The following ANO3 variants were observed in gnomAD, a reference collection of about 807,000 sequenced individuals.
ANO3 encodes anoctamin-3.
Under a neutral mutation model 144.8 loss-of-function variants are expected in ANO3, and 99 were observed. The ratio of observed to expected loss-of-function variants is 0.68; its 90% CI spans 0.58 to 0.81. ANO3 has a LOEUF of 0.81. Ranked by LOEUF, ANO3 falls within the 30% of genes least tolerant of loss-of-function variation. The pLI, the probability that ANO3 is intolerant of heterozygous loss-of-function variation, is 0.00. For synonymous variants in ANO3, 414 were observed against 392.6 expected, an observed-to-expected ratio of 1.05 and a Z score of -0.64; for missense variants, 905 against 1,202.2, an observed-to-expected ratio of 0.75 and a Z score of 3.66.
At position 26,229,009 on chromosome 11, in the gene ANO3, C is replaced by T. The variant is rs115731865; in HGVS notation, c.154+39679C>T. On this transcript the variant is annotated intron_variant, in intron 1 of 27. Coordinates refer to the ANO3 transcript ENST00000672621. ...ATCCTGTGGCTAAAACTGCCATTTC[C>T]GTTCTAAGTAATCTGAGCCTACAAA... Among the ~76,000 whole-genome samples the T allele has an allele frequency of 7.7e-3, 1,173 of 152,258 alleles. 17 individuals are homozygous for T. The highest frequency in any genetic ancestry group is 0.027 in the African/African-American group (1,113 of 41,552).
chr11:26,283,987 G>A (rs1265366304), intron 1 of ANO3, among the ~76,000 whole-genome samples: 1 of 152,174 alleles, frequency 6.6e-6, no homozygotes, highest in Non-Finnish European at 1.5e-5. Context: ...CCTGAGACTT[G>A]CAGTATTTGA....
chr11:26,295,559 C>A (rs1243508554), intron 1 of ANO3, among the ~76,000 whole-genome samples: 1 of 148,600 alleles, frequency 6.7e-6, no homozygotes, highest in Non-Finnish European at 1.5e-5. Flanking sequence ...TAGCAGTAAA[C>A]CTAATTGAAA....
chr11:26,482,270 G>T (rs1355339559), intron 4 of ANO3, among the ~76,000 whole-genome samples: 1 of 151,828 alleles, frequency 6.6e-6, no homozygotes, highest in Non-Finnish European at 1.5e-5. Flanking sequence ...ACAATGTGCA[G>T]GTTTGTTACA....
At chr11:26,229,276 C>G (rs1255029916) in intron 1 of ANO3, among the ~76,000 whole-genome samples, 1 of 152,146 alleles carries the variant, frequency 6.6e-6, no homozygotes, top group Non-Finnish European at 1.5e-5. Context: ...ACACAATTCT[C>G]CAACATAATC....
Position 26,559,734 on chromosome 11 carries a change from G to A in ANO3, c.1402G>A (p.Asp468Asn), listed in dbSNP as rs1227082623. ...TTCTACTCAGGTGACATATTTGTTC[G>A]ATAATGGAGGGACAGTCTTCTTTGC... The part of the protein sequence containing the change: ...CIYAKVTYLF[D>N]NGGTVFFAIF... The change falls in exon 14 of 27, where the codon GAT (aspartate) becomes AAT (asparagine). Residue 468 changes from aspartate (D) to asparagine (N), a missense_variant. Physicochemically the swap from Asp to Asn is conservative, Grantham distance 23. Coordinates refer to ENST00000256737, the MANE Select transcript of ANO3 (RefSeq NM_031418.4). The A allele has an allele frequency of 1.2e-6, 2 of 1,611,584 alleles. No homozygotes were observed. The highest frequency in any genetic ancestry group is 1.7e-6 in the Non-Finnish European group (2 of 1,178,222).
chr11:26,260,047 CTTTTT>C (rs768969943), intron 1 of ANO3, among the ~76,000 whole-genome samples: 3 of 129,758 alleles, frequency 2.3e-5, no homozygotes, highest in Non-Finnish European at 5.0e-5. Flanking sequence ...TTTTAAAGTG[CTTTTT>C]TTTTTTTTTT....
intron 1 of ANO3, among the ~76,000 whole-genome samples, chr11:26,312,203 C>T (rs190641697): frequency 0.011 from 1,736 of 152,270 alleles, 16 homozygotes; most frequent in Non-Finnish European, 0.016. Context: ...CATAGTATTC[C>T]ATGGTGTATA....
chr11:26,641,223 C>T (rs896177581), intron 21 of ANO3, among the ~76,000 whole-genome samples: 2 of 152,140 alleles, frequency 1.3e-5, no homozygotes, highest in Non-Finnish European at 2.9e-5. Flanking sequence ...CGGACACAGA[C>T]TTATTGCCTA....
chr11:26,324,831 A>G (rs916371988), intron 1 of ANO3, among the ~76,000 whole-genome samples: 1 of 152,174 alleles, frequency 6.6e-6, no homozygotes, highest in African/African-American at 2.4e-5. Flanking sequence ...GGTACTCCTA[A>G]TCAAATATTT....
rs1448458342 is a variant in ANO3, at chr11:26,448,883, T to TGTACAGTTC, written c.313+5048_313+5049insTACAGTTCG. 8.3e-3 allele frequency among the ~76,000 whole-genome samples: 1,263 copies of TGTACAGTTC among 152,328 alleles called. 17 individuals are homozygous for TGTACAGTTC. Among genetic ancestry groups the TGTACAGTTC allele is most frequent in the African/African-American group, 0.029 (1,191 of 41,570 alleles). On this transcript the variant is annotated intron_variant, in intron 3 of 26. Coordinates refer to ENST00000256737, the MANE Select transcript of ANO3 (RefSeq NM_031418.4). ...CCTGGGTCCGTCTGCTACCTTCTGT[T>TGTACAGTTC]GGTACGCTGGTACAATAACTTCCGA...
chr11:26,638,168 C>T (rs1022478087), intron 20 of ANO3, among the ~76,000 whole-genome samples: 1 of 152,084 alleles, frequency 6.6e-6, no homozygotes, highest in Non-Finnish European at 1.5e-5. Flanking sequence ...CACCTCCCCA[C>T]CATCTTGAGA....
At chr11:26,598,516 G>A in intron 15 of ANO3, 69 bp downstream of exon 15, 3 of 1,098,792 alleles carry the variant, frequency 2.7e-6, no homozygotes, top group African/African-American at 1.6e-5. Context: ...TACTGCCCTA[G>A]CATTCCGGCT....
chr11:26,307,800 C>T (rs1854418543), upstream of ANO3, among the ~76,000 whole-genome samples: 1 of 151,188 alleles, frequency 6.6e-6, no homozygotes, highest in African/African-American at 2.4e-5. Context: ...TTTTGTTCAC[C>T]ATCACATGAT....
chr11:26,530,727 G>C (rs1849349153), intron 7 of ANO3, among the ~76,000 whole-genome samples: 1 of 151,952 alleles, frequency 6.6e-6, no homozygotes, highest in South Asian at 2.1e-4. Flanking sequence ...AAATTAGCTG[G>C]ACTTGGTGGC....
intron 23 of ANO3, among the ~76,000 whole-genome samples, chr11:26,644,887 A>G (rs1853293021): frequency 6.6e-6 from 1 of 151,942 alleles, no homozygotes; most frequent in Non-Finnish European, 1.5e-5. Flanking sequence ...GTATAAATAT[A>G]TGTGTGTGTA....
chr11:26,319,206 C>G (rs1320727624), intron 1 of ANO3, among the ~76,000 whole-genome samples: 1 of 151,188 alleles, frequency 6.6e-6, no homozygotes, highest in Non-Finnish European at 1.5e-5. Context: ...TCTATGATGC[C>G]AGGGATAGTC....
chr11:26,302,843 A>C (rs1854268639), intron 1 of ANO3, among the ~76,000 whole-genome samples: 1 of 152,174 alleles, frequency 6.6e-6, no homozygotes, highest in Non-Finnish European at 1.5e-5. Context: ...ATTTCCTAGT[A>C]ACTTAAACCA....
intron 17 of ANO3, among the ~76,000 whole-genome samples, chr11:26,623,942 G>A (rs1852499432): frequency 6.6e-6 from 1 of 151,824 alleles, no homozygotes; most frequent in Non-Finnish European, 1.5e-5. Context: ...GCCCGCCAAC[G>A]TGCCCGGCTA....
At chr11:26,479,023 A>C (rs867522917) in intron 4 of ANO3, among the ~76,000 whole-genome samples, 7 of 152,222 alleles carry the variant, frequency 4.6e-5, no homozygotes, top group Non-Finnish European at 2.9e-5. Flanking sequence ...AGAGTAAGAA[A>C]GAATGAGACA....
Sources: gnomAD v4.1 joint callset for allele counts (sites outside exome capture counted in the v4.1 genomes callset) on GRCh38, gnomAD v4.1.1 for gene constraint, MANE v1.5 for transcripts, NCBI Gene and HGNC (gene_info 2026-07-23, HGNC 2026-07-21) for gene names.